NPM2: variants seen among roughly 807,000 people sequenced by gnomAD.
NPM2 encodes the protein nucleoplasmin-2.
Under a neutral mutation model 32.0 loss-of-function variants are expected in NPM2, and 25 were observed. The observed-to-expected ratio is 0.78, with a 90% confidence interval of 0.57 to 1.09. The LOEUF is 1.09. Ranked by LOEUF, NPM2 falls within the 50% of genes least tolerant of loss-of-function variation. NPM2 has a pLI of 0.00. For missense variants in NPM2, 282 were observed against 259.9 expected (o/e 1.08, Z -0.58); for synonymous variants, 111 against 94.2 (o/e 1.18, Z -1.04).
chr8:22,033,632 C>T (rs755252877), intron 6 of NPM2, among the ~76,000 whole-genome samples: 3 of 152,232 alleles, frequency 2.0e-5, no homozygotes, highest in Non-Finnish European at 4.4e-5. Flanking sequence ...GTCCCTTCAA[C>T]TGGCCCTCTT....
At chr8:22,028,369 G>C in intron 5 of NPM2, among the ~76,000 whole-genome samples, 1 of 45,790 alleles carries the variant, frequency 2.2e-5, no homozygotes, top group Non-Finnish European at 4.2e-5. Flanking sequence ...TTTTTTTTTT[G>C]AGACAGAATC....
chr8:22,025,216 C>T lies in NPM2; in HGVS notation c.-33C>T, dbSNP rs370863198. 1.4e-5 allele frequency: 22 copies of T among 1,603,796 alleles called. No homozygotes were observed. The highest frequency in any genetic ancestry group is 1.6e-5 in the Non-Finnish European group (19 of 1,177,194). ...CCTCACGCGGGCGCCCTCCTTGCAG[C>T]TGCCCGGCCAGCCCGCTTCTCTGCC... On this transcript the variant is annotated splice_region_variant and 5_prime_UTR_variant, in exon 3 of 10. Coordinates refer to ENST00000518119, the MANE Select transcript of NPM2 (RefSeq NM_001286680.2).
chr8:22,025,338 C>T (rs369167107), intron 3 of NPM2, 32 bp downstream of exon 3: 12 of 1,600,768 alleles, frequency 7.5e-6, no homozygotes. Context: ...TTCCCAGAGA[C>T]ACGCCCCACC....
intron 5 of NPM2, among the ~76,000 whole-genome samples, chr8:22,026,437 A>G (rs1450615401): frequency 6.7e-6 from 1 of 149,940 alleles, no homozygotes; most frequent in Non-Finnish European, 1.5e-5. Flanking sequence ...ATAATTGTGA[A>G]TAATGGCAGT....
At chr8:22,027,042 T>G (rs10099254) in intron 5 of NPM2, among the ~76,000 whole-genome samples, 151,664 of 152,328 alleles carry the variant, frequency 1, 75,507 homozygotes, top group Middle Eastern at 1. Flanking sequence ...TATATGAAGA[T>G]AATAATATCT....
intron 5 of NPM2, among the ~76,000 whole-genome samples, chr8:22,032,828 A>G (rs749045871): frequency 2.6e-5 from 4 of 152,022 alleles, no homozygotes; most frequent in African/African-American, 7.3e-5. Context: ...TCTAAATACT[A>G]TCACACTGGA....
chr8:22,033,249 G>A (rs758165519), intron 6 of NPM2, 26 bp downstream of exon 6: 1 of 1,569,614 alleles, frequency 6.4e-7, no homozygotes, highest in South Asian at 1.1e-5. Flanking sequence ...CGATCAGGAA[G>A]GTCCGTGAGT....
chr8:22,035,347 C>T (rs1270145248), intron 8 of NPM2, among the ~76,000 whole-genome samples: 1 of 152,172 alleles, frequency 6.6e-6, no homozygotes, highest in Non-Finnish European at 1.5e-5. Flanking sequence ...AATCATGGCT[C>T]ACTGCAGCCT....
At chr8:22,025,154 G>T (rs367774888) in intron 2 of NPM2, 62 bp from the exon 3 acceptor site, 3 of 1,399,984 alleles carry the variant, frequency 2.1e-6, no homozygotes, top group South Asian at 1.3e-5. Context: ...CTGGTCTCTG[G>T]CATCCTCCAG....
At chr8:22,034,368 C>A in intron 7 of NPM2, 93 bp downstream of exon 7, 2 of 1,414,010 alleles carry the variant, frequency 1.4e-6, no homozygotes, top group Non-Finnish European at 1.9e-6. Context: ...GCCAGCCTCC[C>A]AGAATGAGTG....
intron 5 of NPM2, 30 bp downstream of exon 5, chr8:22,025,802 G>A (rs1201644124): frequency 6.2e-7 from 1 of 1,613,206 alleles, no homozygotes; most frequent in Non-Finnish European, 8.5e-7. Context: ...CTGGAAGACT[G>A]CTGTCAGCCT....
chr8:22,026,761 CTT>C (rs1800271135), intron 5 of NPM2, among the ~76,000 whole-genome samples: 1 of 152,004 alleles, frequency 6.6e-6, no homozygotes, highest in African/African-American at 2.4e-5. Flanking sequence ...GGTCTTTTTT[CTT>C]TCTTTCTTTC....
chr8:22,025,466 G>C lies in NPM2; in HGVS notation c.89G>C (p.Trp30Ser), dbSNP rs1473162324. 8.1e-6 allele frequency: 13 copies of C among 1,614,030 alleles called. No individual in the cohort carries two copies. The highest frequency in any genetic ancestry group is 1.1e-5 in the Non-Finnish European group (13 of 1,180,022). ...GCELSQERRT[W>S]TFRPQLEGKQ... ...GAGCTCAGTCAGGAGAGGCGGACTT[G>C]GACCTTCAGACCCCAGCTGGAGGGG... is the stretch of plus-strand genomic sequence containing the variant. The change falls in exon 4 of 10, where the codon TGG (tryptophan) becomes TCG (serine). Residue 30 changes from tryptophan to serine, a missense_variant. Trp to Ser is a radical substitution (Grantham distance 177, BLOSUM62 -3). Coordinates refer to ENST00000518119, the MANE Select transcript of NPM2 (RefSeq NM_001286680.2).
At chr8:22,030,843 G>C (rs1283628016) in intron 5 of NPM2, among the ~76,000 whole-genome samples, 1 of 152,168 alleles carries the variant, frequency 6.6e-6, no homozygotes, top group East Asian at 1.9e-4. Context: ...AACACACCCA[G>C]CTTTATCTGA....
chr8:22,024,220 T>A lies in NPM2; in HGVS notation c.-544T>A, dbSNP rs1225678245. ...GCCCGCTGCGGCTCTCCGCGGGAGA[T>A]CTCACCGTTCTGGAGACAGGGCTCG... On this transcript the variant is annotated 5_prime_UTR_variant, in exon 1 of 10. Coordinates refer to ENST00000518119, the MANE Select transcript of NPM2 (RefSeq NM_001286680.2). 1.3e-5 allele frequency: 2 copies of A among 152,290 alleles called. No individual in the cohort carries two copies. Among genetic ancestry groups the A allele is most frequent in the Non-Finnish European group, 2.9e-5 (2 of 68,148 alleles). The allele number at this position is 152,290 out of a possible 1,614,324, so 9.4% of individuals were successfully genotyped here. A position where few individuals can be genotyped will look rare whatever the true frequency, so the allele number is the denominator to read the frequency against.
intron 5 of NPM2, 69 bp downstream of exon 5, chr8:22,025,841 CA>C: frequency 6.2e-7 from 1 of 1,603,500 alleles, no homozygotes; most frequent in Non-Finnish European, 8.5e-7. Flanking sequence ...GGGATGGACA[CA>C]CACGAGGGTG....
intron 6 of NPM2, among the ~76,000 whole-genome samples, chr8:22,033,588 C>A (rs1563356240): frequency 6.7e-6 from 1 of 149,102 alleles, no homozygotes. Flanking sequence ...CAACGCAGAC[C>A]ATAGCAACGC....
chr8:22,034,859 G>A (rs1487718378), intron 8 of NPM2, among the ~76,000 whole-genome samples: 1 of 152,222 alleles, frequency 6.6e-6, no homozygotes, highest in Non-Finnish European at 1.5e-5. Flanking sequence ...TGTAATCCCA[G>A]CACTTTGGGA....
At chr8:22,034,664 C>G in intron 8 of NPM2, 120 bp downstream of exon 8, 2 of 777,776 alleles carry the variant, frequency 2.6e-6, no homozygotes, top group Non-Finnish European at 4.3e-6. Flanking sequence ...TCTACCTGCA[C>G]TCGCAGGCAC....
Sources: allele counts gnomAD v4.1 joint callset (sites outside exome capture counted in the v4.1 genomes callset), GRCh38; gene constraint gnomAD v4.1.1; transcripts MANE v1.5; gene names NCBI Gene and HGNC (gene_info 2026-07-23, HGNC 2026-07-21).